LOC728743: variants seen among roughly 807,000 people sequenced by gnomAD.
At chr7:150,407,638 C>A in the LOC728743 span, 2 of 398,982 alleles carry the variant, frequency 5.0e-6, no homozygotes, top group Non-Finnish European at 8.8e-6. Context: ...CCTCCGGGGG[C>A]GGGTCCCCTG....
At chr7:150,402,517 C>CGACTGAGGACCTA in the LOC728743 span, among the ~76,000 whole-genome samples, 1 of 152,240 alleles carries the variant, frequency 6.6e-6, no homozygotes, top group East Asian at 1.9e-4. Flanking sequence ...CAACAGACAT[C>CGACTGAGGACCTA]GACTGAGGAC....
the LOC728743 span, among the ~76,000 whole-genome samples, chr7:150,409,228 G>A: frequency 6.6e-6 from 1 of 151,202 alleles, no homozygotes; most frequent in South Asian, 2.1e-4. Context: ...GTCAGGGGGT[G>A]GGGACACTGA....
chr7:150,402,912 T>C, the LOC728743 span, among the ~76,000 whole-genome samples: 1 of 152,134 alleles, frequency 6.6e-6, no homozygotes, highest in Admixed American at 6.5e-5. Context: ...CGTTTACCCA[T>C]GGTCTACAGG....
At chr7:150,401,368 C>T in the LOC728743 span, among the ~76,000 whole-genome samples, 5 of 152,172 alleles carry the variant, frequency 3.3e-5, no homozygotes, top group African/African-American at 7.2e-5. Context: ...CAGAGGCAGC[C>T]GCTCAGCCAT....
chr7:150,407,326 G>A, the LOC728743 span, among the ~76,000 whole-genome samples: 1 of 152,214 alleles, frequency 6.6e-6, no homozygotes, highest in Non-Finnish European at 1.5e-5. Flanking sequence ...TAAGCCCGGG[G>A]TGGAAAGGTC....
At chr7:150,400,803 A>G in the LOC728743 span, 1 of 152,262 alleles carries the variant, frequency 6.6e-6, no homozygotes, top group African/African-American at 2.4e-5. Flanking sequence ...ATTTAGGAAG[A>G]GGCATTGTCA....
At chr7:150,407,703 C>G in the LOC728743 span, 1 of 399,532 alleles carries the variant, frequency 2.5e-6, no homozygotes, top group Non-Finnish European at 4.4e-6. Context: ...ATCCACCACC[C>G]TGCAGAGGAG....
At chr7:150,403,986 G>A in the LOC728743 span, among the ~76,000 whole-genome samples, 1 of 152,228 alleles carries the variant, frequency 6.6e-6, no homozygotes, top group African/African-American at 2.4e-5. This position sits in a 1 kb window ranked among gnomAD's most constrained non-coding sequence, Gnocchi z 5.1. Context: ...CCAGGCTCCA[G>A]AAGGCACAGT....
the LOC728743 span, among the ~76,000 whole-genome samples, chr7:150,401,404 G>C: frequency 6.6e-6 from 1 of 152,348 alleles, no homozygotes; most frequent in South Asian, 2.1e-4. Context: ...GAGGGAGAGG[G>C]CAGGCCCCTC....
At chr7:150,409,870 T>C in the LOC728743 span, among the ~76,000 whole-genome samples, 2 of 152,242 alleles carry the variant, frequency 1.3e-5, no homozygotes, top group Admixed American at 6.5e-5. Context: ...GTCCTCTGCC[T>C]ACCACTCCCA....
At chr7:150,407,846 G>A in the LOC728743 span, 2 of 424,800 alleles carry the variant, frequency 4.7e-6, no homozygotes, top group South Asian at 8.8e-5. Context: ...GGCCTTCAGC[G>A]TCAAGCACAA....
At chr7:150,403,186 G>T in the LOC728743 span, among the ~76,000 whole-genome samples, 2 of 152,098 alleles carry the variant, frequency 1.3e-5, no homozygotes, top group South Asian at 4.1e-4. The surrounding 1 kb of genome is among the most constrained non-coding windows in gnomAD (Gnocchi z 5.1). Context: ...GGGAACCTTG[G>T]GGGAGACAGG....
Sources: gnomAD v4.1 joint callset for allele counts (sites outside exome capture counted in the v4.1 genomes callset) on GRCh38, gnomAD v4.1.1 for gene constraint, Gnocchi (gnomAD v3.1) non-coding constraint, MANE v1.5 for transcripts.